SBF2: variants seen among roughly 807,000 people sequenced by gnomAD.
SBF2 encodes SET binding factor 2.
SBF2 carries 112 observed loss-of-function variants against 225.2 expected under a neutral mutation model. The observed-to-expected ratio is 0.50, with a 90% CI of 0.43 to 0.58. The LOEUF is 0.58. Among genes scored for constraint, SBF2 ranks in the 20% least tolerant of loss-of-function variants. SBF2 has a pLI of 0.00. For missense variants in SBF2, 1,996 were observed against 2,206.2 expected (o/e 0.90, Z 1.91); for synonymous variants, 763 against 773.3 (o/e 0.99, Z 0.22).
At chr11:9,957,384 G>A (rs1373023872) in intron 16 of SBF2, 1 of 152,042 alleles carries the variant, frequency 6.6e-6, no homozygotes, top group Non-Finnish European at 1.5e-5. Context: ...TTTGAATTTG[G>A]TATCCCGTGA....
intron 26 of SBF2, among the ~76,000 whole-genome samples, chr11:9,837,867 A>G (rs1055146213): frequency 1.3e-5 from 2 of 151,910 alleles, no homozygotes; most frequent in African/African-American, 4.8e-5. Context: ...CCTCCCAAGT[A>G]GCTGGGACTA....
At chr11:10,141,367 C>A (rs935160816) in intron 2 of SBF2, among the ~76,000 whole-genome samples, 2 of 152,106 alleles carry the variant, frequency 1.3e-5, no homozygotes, top group Non-Finnish European at 2.9e-5. Flanking sequence ...CCATTTCAAA[C>A]AGTGCTTTCT....
chr11:10,259,534 C>T (rs948931051), intron 1 of SBF2, among the ~76,000 whole-genome samples: 5 of 152,130 alleles, frequency 3.3e-5, no homozygotes, highest in Non-Finnish European at 5.9e-5. Flanking sequence ...TATTGCTTTT[C>T]AAAAAATGTA....
chr11:10,034,253 C>A (rs975955819), intron 3 of SBF2, among the ~76,000 whole-genome samples: 1 of 152,196 alleles, frequency 6.6e-6, no homozygotes, highest in South Asian at 2.1e-4. Context: ...CTATGGATTA[C>A]ATCTGCTAGT....
At chr11:9,902,642 C>T (rs1297156169) in intron 16 of SBF2, among the ~76,000 whole-genome samples, 2 of 152,140 alleles carry the variant, frequency 1.3e-5, no homozygotes, top group African/African-American at 4.8e-5. Flanking sequence ...CCATCTATGA[C>T]ACCAGATAGA....
intron 1 of SBF2, among the ~76,000 whole-genome samples, chr11:10,254,850 G>A (rs540276658): frequency 3.3e-4 from 41 of 123,698 alleles, no homozygotes; most frequent in African/African-American, 1.2e-3. Flanking sequence ...GCAGTGAGCT[G>A]AGATTGTGCC....
At chr11:10,042,200 G>T (rs954550939) in intron 3 of SBF2, among the ~76,000 whole-genome samples, 1 of 152,092 alleles carries the variant, frequency 6.6e-6, no homozygotes, top group Non-Finnish European at 1.5e-5. Context: ...CACCAAGCTG[G>T]GCTGTTCCTA....
chr11:10,122,126 A>G lies in SBF2; in HGVS notation c.141+71776T>C, dbSNP rs150235562. Among the ~76,000 whole-genome samples, 579 of 152,318 alleles carry G rather than the reference A, an allele frequency of 3.8e-3. 4 individuals are homozygous for G. Among genetic ancestry groups the G allele is most frequent in the South Asian group, 5.4e-3 (26 of 4,828 alleles). The stretch of plus-strand genomic sequence containing the variant: ...GTGAATAAGGAAAGAAAAAAATCAT[A>G]TGCTTAGGCTGCTATGATCTATGGT... On this transcript the variant is annotated intron_variant, in intron 2 of 39. Transcript: ENST00000256190.
chr11:10,114,702 T>C (rs1279494907), intron 2 of SBF2, among the ~76,000 whole-genome samples: 1 of 152,266 alleles, frequency 6.6e-6, no homozygotes, highest in African/African-American at 2.4e-5. Flanking sequence ...CCTTTTGTAT[T>C]GCACAGGTTT....
intron 1 of SBF2, among the ~76,000 whole-genome samples, chr11:10,262,396 C>A (rs1435294326): frequency 6.6e-6 from 1 of 152,120 alleles, no homozygotes; most frequent in Non-Finnish European, 1.5e-5. Flanking sequence ...CTCATCCAAT[C>A]CTTCAAAGTG....
intron 2 of SBF2, among the ~76,000 whole-genome samples, chr11:10,072,498 C>A (rs1047337426): frequency 6.6e-6 from 1 of 151,552 alleles, no homozygotes; most frequent in African/African-American, 2.4e-5. Flanking sequence ...TTAAAATTGA[C>A]AAATAGTAAT....
chr11:10,137,778 G>A (rs1003645967), intron 2 of SBF2, among the ~76,000 whole-genome samples: 2 of 152,108 alleles, frequency 1.3e-5, no homozygotes, highest in Non-Finnish European at 2.9e-5. Flanking sequence ...AGGCCGAGGT[G>A]GGTGGATCAC....
rs767884087 is a variant in SBF2, at chr11:10,293,303, C to A, written c.55+712G>T. 2.0e-4 allele frequency among the ~76,000 whole-genome samples: 31 copies of A among 152,300 alleles called. 1 individual carries two copies. Among genetic ancestry groups the A allele is most frequent in the South Asian group, 1.5e-3 (7 of 4,826 alleles). Reference sequence around the variant, plus strand: ...CCAATTGTTCCTTACGACGAAAATTCTGTGACAAATAAAAAGAACAATGAA... The same window carrying A: ...CCAATTGTTCCTTACGACGAAAATTATGTGACAAATAAAAAGAACAATGAA... On this transcript the variant is annotated intron_variant, in intron 1 of 39. Coordinates refer to ENST00000256190, the MANE Select transcript of SBF2 (RefSeq NM_030962.4).
chr11:9,822,918 C>T (rs1234678080), intron 28 of SBF2, among the ~76,000 whole-genome samples: 23 of 152,060 alleles, frequency 1.5e-4, no homozygotes, highest in Admixed American at 1.4e-3. Flanking sequence ...ATTTGCTATG[C>T]AGCCTTGGCC....
intron 13 of SBF2, among the ~76,000 whole-genome samples, chr11:9,977,880 G>A (rs1946772492): frequency 6.6e-6 from 1 of 152,114 alleles, no homozygotes; most frequent in African/African-American, 2.4e-5. Context: ...CAATATAAAG[G>A]AGTGGTGAGA....
At chr11:10,194,016 T>C in intron 1 of SBF2, 29 bp from the exon 2 acceptor site, 1 of 1,418,746 alleles carries the variant, frequency 7.0e-7, no homozygotes, top group South Asian at 1.2e-5. Context: ...TGAATCATTA[T>C]TATAGGACAC....
At chr11:9,874,040 C>G (rs1039712130) in intron 17 of SBF2, among the ~76,000 whole-genome samples, 2 of 132,124 alleles carry the variant, frequency 1.5e-5, no homozygotes, top group Non-Finnish European at 3.2e-5. Flanking sequence ...GTCTGGGAGA[C>G]AAGAGCAAGA....
intron 1 of SBF2, among the ~76,000 whole-genome samples, chr11:10,233,106 A>C (rs1290669528): frequency 6.6e-6 from 1 of 152,152 alleles, no homozygotes; most frequent in East Asian, 1.9e-4. Context: ...TTAGCCACAT[A>C]CGAAGACCTA....
intron 26 of SBF2, chr11:9,838,989 TCAGCAAATTATAGC>T (rs1855913199): frequency 5.7e-6 from 1 of 174,780 alleles, no homozygotes; most frequent in African/African-American, 2.4e-5. Flanking sequence ...TACACCTGGG[TCAGCAAATTATAGC>T]CTGTGGGCCA....
Sources: allele counts gnomAD v4.1 joint callset (sites outside exome capture counted in the v4.1 genomes callset), GRCh38; gene constraint gnomAD v4.1.1; transcripts MANE v1.5; gene names NCBI Gene and HGNC (gene_info 2026-07-23, HGNC 2026-07-21).